The following IARS1 variants were observed in gnomAD, a reference collection of about 807,000 sequenced individuals.
The protein encoded by IARS1 is isoleucyl-tRNA synthetase 1.
In IARS1, 124 loss-of-function variants were observed where a neutral mutation model predicts 168.2. That is an observed-to-expected ratio of 0.74 (90% CI 0.64 to 0.86). The LOEUF (loss-of-function observed/expected upper bound fraction) is 0.86. Ranked by LOEUF, IARS1 falls within the 40% of genes least tolerant of loss-of-function variation. The probability of loss-of-function intolerance (pLI) is 0.00; values close to 1 mark genes in which losing one functional copy is unlikely to be tolerated. For synonymous variants in IARS1, 532 were observed against 529.4 expected, an observed-to-expected ratio of 1.00 and a Z score of -0.07; for missense variants, 1,452 against 1,515.8, an observed-to-expected ratio of 0.96 and a Z score of 0.70.
intron 31 of IARS1, among the ~76,000 whole-genome samples, chr9:92,227,300 C>T (rs1210592332): frequency 1.3e-5 from 2 of 151,198 alleles, no homozygotes; most frequent in African/African-American, 2.4e-5. Context: ...CATCATGGCC[C>T]GTTCTCAATG....
At chr9:92,214,369 AAC>A (rs902092043) in intron 33 of IARS1, among the ~76,000 whole-genome samples, 7 of 152,106 alleles carry the variant, frequency 4.6e-5, no homozygotes, top group African/African-American at 1.7e-4. Flanking sequence ...CAGCCTGGCC[AAC>A]ATGGTGAAAC....
chr9:92,264,844 T>C, intron 16 of IARS1, 85 bp downstream of exon 16: 1 of 1,153,986 alleles, frequency 8.7e-7, no homozygotes, highest in Non-Finnish European at 1.2e-6. Flanking sequence ...CATCACCCAG[T>C]AGATAAATGG....
intron 30 of IARS1, among the ~76,000 whole-genome samples, chr9:92,238,345 C>T (rs541262308): frequency 2.6e-5 from 4 of 152,274 alleles, no homozygotes; most frequent in South Asian, 2.1e-4. Flanking sequence ...TCACTGGTGC[C>T]GATCCCTCAT....
chr9:92,276,414 C>T (rs1833783100), intron 9 of IARS1, among the ~76,000 whole-genome samples: 1 of 152,174 alleles, frequency 6.6e-6, no homozygotes, highest in Admixed American at 6.5e-5. Flanking sequence ...CTGGGGAGGG[C>T]ACGTCCTAAT....
intron 33 of IARS1, among the ~76,000 whole-genome samples, chr9:92,214,715 G>C (rs1431722010): frequency 6.6e-6 from 1 of 152,104 alleles, no homozygotes; most frequent in Admixed American, 6.5e-5. Context: ...TTTTCCGATG[G>C]GCTTAAAAAA....
At chr9:92,251,272 A>T (rs1050247070) in intron 22 of IARS1, 19 of 425,122 alleles carry the variant, frequency 4.5e-5, no homozygotes, top group African/African-American at 3.5e-4. Flanking sequence ...AGGAATAAAT[A>T]GGAGCCTTAT....
chr9:92,229,197 A>C lies in IARS1; in HGVS notation c.3284-71T>G, dbSNP rs559744112. 8.7e-4 allele frequency: 1,293 copies of C among 1,491,736 alleles called. 4 individuals are homozygous for C. Among genetic ancestry groups the C allele is most frequent in the Non-Finnish European group, 9.8e-4 (1,071 of 1,088,960 alleles). The allele number at this position is 1,491,736 out of a possible 1,614,324, so 92.4% of individuals were successfully genotyped here. A position where few individuals can be genotyped will look rare whatever the true frequency, so the allele number is the denominator to read the frequency against. ...AAAAGAAAATGTTACATTTGGAGGA[A>C]AAGGGATACAAAGGGGTTCAAGCCC... On this transcript the variant is annotated intron_variant, in intron 30 of 33. Transcript: ENST00000443024.
chr9:92,226,803 C>T (rs1285807034), intron 31 of IARS1, among the ~76,000 whole-genome samples: 1 of 151,248 alleles, frequency 6.6e-6, no homozygotes, highest in Non-Finnish European at 1.5e-5. Context: ...CACATGGCCA[C>T]CTTCTTTTTT....
chr9:92,280,962 A>C, intron 6 of IARS1, 69 bp from the exon 7 acceptor site: 1 of 1,031,950 alleles, frequency 9.7e-7, no homozygotes, highest in Non-Finnish European at 1.4e-6. Flanking sequence ...AAAAGGAACT[A>C]CTCCTAAAGA....
In IARS1 at chr9:92,242,180, T is replaced by C; in HGVS notation, c.3151A>G (p.Lys1051Glu). The stretch of plus-strand genomic sequence containing the variant: ...TGTGTTTTTTCTTGAATAAGGACTT[T>C]ATCCGATGGAGAAACTGGATATGGT... ...LKPYPVSPSD[K>E]VLIQEKTQLK... is the part of the protein sequence containing the mutation. The change falls in exon 29 of 34, where the codon AAA becomes GAA. Residue 1051 changes from lysine to glutamate, a missense_variant. By Grantham distance (56) the Lys-to-Glu change is moderately conservative. Coordinates refer to ENST00000443024, the MANE Select transcript of IARS1 (RefSeq NM_002161.6). 4 of 1,614,032 alleles carry C rather than the reference T, an allele frequency of 2.5e-6. No individual in the cohort carries two copies. The highest frequency in any genetic ancestry group is 3.4e-6 in the Non-Finnish European group (4 of 1,179,926).
At chr9:92,218,959 G>A (rs1839229410) in intron 33 of IARS1, among the ~76,000 whole-genome samples, 1 of 152,132 alleles carries the variant, frequency 6.6e-6, no homozygotes, top group Non-Finnish European at 1.5e-5. Flanking sequence ...AGCCCGCAAC[G>A]CCAAGTCAAT....
At chr9:92,225,356 T>C (rs188312857) in intron 31 of IARS1, among the ~76,000 whole-genome samples, 1 of 152,292 alleles carries the variant, frequency 6.6e-6, no homozygotes, top group African/African-American at 2.4e-5. Context: ...AGCCAATTCT[T>C]ATTTTTCCAC....
At chr9:92,246,248 A>G (rs986950379) in intron 26 of IARS1, among the ~76,000 whole-genome samples, 3 of 152,176 alleles carry the variant, frequency 2.0e-5, no homozygotes, top group Non-Finnish European at 4.4e-5. Context: ...TATTTGGAGA[A>G]TCTTAGGGAC....
At chr9:92,216,079 A>G (rs1273806996) in intron 33 of IARS1, among the ~76,000 whole-genome samples, 3 of 151,828 alleles carry the variant, frequency 2.0e-5, no homozygotes, top group African/African-American at 7.3e-5. Flanking sequence ...ATCTCTCGGC[A>G]GAAACCCTAC....
chr9:92,235,589 C>T (rs1473122478), intron 30 of IARS1, among the ~76,000 whole-genome samples: 2 of 144,196 alleles, frequency 1.4e-5, no homozygotes, highest in Non-Finnish European at 3.0e-5. Flanking sequence ...GCGATCTTGG[C>T]TCACTGCAAC....
At chr9:92,213,774 C>T (rs1838159112) in intron 33 of IARS1, among the ~76,000 whole-genome samples, 1 of 152,182 alleles carries the variant, frequency 6.6e-6, no homozygotes, top group South Asian at 2.1e-4. Context: ...GATCCTGTCT[C>T]CATCACAACT....
intron 30 of IARS1, among the ~76,000 whole-genome samples, chr9:92,234,046 C>A (rs1246515916): frequency 2.6e-5 from 4 of 152,190 alleles, no homozygotes; most frequent in African/African-American, 9.7e-5. Flanking sequence ...CATGCGTGAA[C>A]CACCACGCCT....
intron 33 of IARS1, among the ~76,000 whole-genome samples, chr9:92,220,947 G>A (rs554319250): frequency 2.2e-4 from 34 of 152,134 alleles, no homozygotes; most frequent in Non-Finnish European, 4.0e-4. Context: ...CTGCGTGACA[G>A]AACAAGACCA....
chr9:92,271,171 G>A, intron 11 of IARS1, 95 bp from the exon 12 acceptor site: 2 of 674,188 alleles, frequency 3.0e-6, no homozygotes, highest in East Asian at 2.8e-5. Flanking sequence ...TGAATAAAAG[G>A]CACAAATAAC....
Sources: allele counts gnomAD v4.1 joint callset (sites outside exome capture counted in the v4.1 genomes callset), GRCh38; gene constraint gnomAD v4.1.1; transcripts MANE v1.5; gene names NCBI Gene and HGNC (gene_info 2026-07-23, HGNC 2026-07-21).